Variants in FANCL observed in about 807,000 individuals in gnomAD.
FANCL encodes FA complementation group L, also known as E3 ubiquitin-protein ligase FANCL.
A neutral mutation model predicts 59.4 loss-of-function variants in FANCL; 69 were observed. That is an observed-to-expected ratio of 1.16 (90% CI 0.96 to 1.42). The LOEUF is 1.42. Among genes scored for constraint, FANCL ranks in the 40% most tolerant of loss-of-function variants. FANCL has a pLI of 0.00. For missense variants in FANCL, 519 were observed against 447.2 expected, an observed-to-expected ratio of 1.16 and a Z score of -1.45; for synonymous variants, 180 against 147.1, an observed-to-expected ratio of 1.22 and a Z score of -1.62.
At chr2:58,211,655 T>C (rs999014869) in intron 5 of FANCL, among the ~76,000 whole-genome samples, 24 of 152,226 alleles carry the variant, frequency 1.6e-4, no homozygotes, top group African/African-American at 5.8e-4. Flanking sequence ...ATGCTTTTAA[T>C]AGCACCCAAG....
rs1453975924 is a variant in FANCL, at chr2:58,216,151, T to C, written c.374+5791A>G. 2.6e-5 allele frequency among the ~76,000 whole-genome samples: 4 copies of C among 152,084 alleles called. No individual in the cohort carries two copies. In the East Asian group the frequency reaches 7.7e-4, roughly 29 times the overall value. ...ACCAGGGGGGAAATCCCAATGAATA[T>C]ACCTGGCTCTTGCTTGGAAGCTCTA... On this transcript the variant is annotated intron_variant, in intron 5 of 13. Transcript: ENST00000233741.
chr2:58,223,378 T>C (rs982976843), intron 4 of FANCL, among the ~76,000 whole-genome samples: 1 of 152,004 alleles, frequency 6.6e-6, no homozygotes, highest in Non-Finnish European at 1.5e-5. Context: ...TGCATTAATA[T>C]AGTATAGTAC....
At chr2:58,169,668 G>A (rs548783293) in intron 7 of FANCL, among the ~76,000 whole-genome samples, 72 of 151,944 alleles carry the variant, frequency 4.7e-4, no homozygotes, top group Non-Finnish European at 9.1e-4. Context: ...AAAAGTTAGA[G>A]GAATTGCTAA....
At position 58,159,478 on chromosome 2, in the gene FANCL, A is replaced by C. The variant is rs1325171728; in HGVS notation, c.*287T>G. ...TTATGAGCCTCATCAAGATTTTACC[A>C]GTCCAGATATATTCAAGAAGTCAAG... On this transcript the variant is annotated 3_prime_UTR_variant, in exon 14 of 14. Transcript: ENST00000233741. 1 of 1,613,734 alleles carries C rather than the reference A, an allele frequency of 6.2e-7. No individual in the cohort carries two copies. The highest frequency in any genetic ancestry group is 1.1e-5 in the South Asian group (1 of 91,058).
chr2:58,182,711 T>C (rs1341122194), intron 7 of FANCL, among the ~76,000 whole-genome samples: 1 of 151,752 alleles, frequency 6.6e-6, no homozygotes, highest in South Asian at 2.1e-4. Context: ...TTATACAAAA[T>C]TAAGTAAACA....
chr2:58,168,954 G>GGCTT (rs937405890), intron 7 of FANCL, among the ~76,000 whole-genome samples: 4 of 152,186 alleles, frequency 2.6e-5, no homozygotes, highest in African/African-American at 9.7e-5. Context: ...CAAAGTCAGA[G>GGCTT]GCTTATAGAT....
At chr2:58,180,049 G>A (rs929892702) in intron 7 of FANCL, among the ~76,000 whole-genome samples, 2 of 152,080 alleles carry the variant, frequency 1.3e-5, no homozygotes, top group East Asian at 1.9e-4. Context: ...TTAGAATGGC[G>A]ATCATTAAAA....
intron 9 of FANCL, 147 bp downstream of exon 9, chr2:58,163,287 C>G: frequency 1.3e-6 from 1 of 745,130 alleles, no homozygotes; most frequent in East Asian, 2.7e-5. Flanking sequence ...CGCCATTACA[C>G]TACATACTGG....
intron 1 of FANCL, among the ~76,000 whole-genome samples, chr2:58,238,743 A>C (rs1412340938): frequency 6.6e-6 from 1 of 152,184 alleles, no homozygotes; most frequent in Non-Finnish European, 1.5e-5. Context: ...ACAAAATTAA[A>C]AACCAAAAAG....
chr2:58,234,693 C>T (rs1573831206), intron 1 of FANCL, among the ~76,000 whole-genome samples: 1 of 151,840 alleles, frequency 6.6e-6, no homozygotes, highest in African/African-American at 2.4e-5. Flanking sequence ...ATATCTTAAT[C>T]AACAGATTTT....
chr2:58,181,599 G>C, intron 7 of FANCL, among the ~76,000 whole-genome samples: 1 of 151,968 alleles, frequency 6.6e-6, no homozygotes, highest in East Asian at 1.9e-4. Flanking sequence ...AAGTTACTTT[G>C]TATAGAACTA....
At chr2:58,173,963 C>CAA (rs1431506964) in intron 7 of FANCL, among the ~76,000 whole-genome samples, 1 of 151,318 alleles carries the variant, frequency 6.6e-6, no homozygotes, top group African/African-American at 2.4e-5. Context: ...AAATGGAAAA[C>CAA]AAAAAAAGGC....
chr2:58,167,210 CAAAAAG>C (rs2104829328), intron 7 of FANCL, among the ~76,000 whole-genome samples: 2 of 151,182 alleles, frequency 1.3e-5, no homozygotes, highest in South Asian at 4.2e-4. Context: ...GACTCCGTCT[CAAAAAG>C]AAAAAAAAGG....
intron 7 of FANCL, among the ~76,000 whole-genome samples, chr2:58,177,856 A>G (rs548832663): frequency 7.2e-5 from 11 of 152,098 alleles, no homozygotes; most frequent in African/African-American, 2.4e-4. Context: ...ACTAATAAAG[A>G]AGAAAAGAGA....
intron 12 of FANCL, 135 bp downstream of exon 12, chr2:58,161,387 C>CTG (rs1685140272): frequency 1.4e-6 from 1 of 708,014 alleles, no homozygotes; most frequent in South Asian, 1.5e-5. Flanking sequence ...CTGGAATAAA[C>CTG]TGGTAAAAGG....
intron 7 of FANCL, among the ~76,000 whole-genome samples, chr2:58,176,991 A>T (rs1687394309): frequency 6.6e-6 from 1 of 152,326 alleles, no homozygotes; most frequent in Non-Finnish European, 1.5e-5. Context: ...GACACTTCTC[A>T]AAAGAAGACA....
chr2:58,201,183 A>G (rs72810378), intron 6 of FANCL, among the ~76,000 whole-genome samples: 7,897 of 151,608 alleles, frequency 0.052, 301 homozygotes, highest in African/African-American at 0.098. Flanking sequence ...CTTTTCAATA[A>G]TAAGTTGTAT....
At position 58,217,099 on chromosome 2, in the gene FANCL, TACAC is replaced by T. The variant is rs1268506675; in HGVS notation, c.374+4839_374+4842del. Among the ~76,000 whole-genome samples, 52 of 134,578 alleles carry T rather than the reference TACAC, an allele frequency of 3.9e-4. 1 individual carries two copies. Among genetic ancestry groups the T allele is most frequent in the Admixed American group, 1.3e-3 (17 of 12,746 alleles). 88.3% of individuals were successfully genotyped at this position (134,578 alleles called of 152,430 possible). On this transcript the variant is annotated intron_variant, in intron 5 of 13. Coordinates refer to ENST00000233741, the MANE Select transcript of FANCL (RefSeq NM_018062.4). ...CCAGAATACAGGACTTTGAAAAAAA[TACAC>T]ACACACACACATTACATATATATAT...
chr2:58,194,314 A>C (rs1422960127), intron 7 of FANCL: 11 of 470,602 alleles, frequency 2.3e-5, no homozygotes, highest in Non-Finnish European at 4.4e-5. Flanking sequence ...TCATAATATC[A>C]GTGCACTTAA....
Sources: gnomAD v4.1 joint callset for allele counts (sites outside exome capture counted in the v4.1 genomes callset) on GRCh38, gnomAD v4.1.1 for gene constraint, MANE v1.5 for transcripts, NCBI Gene and HGNC (gene_info 2026-07-23, HGNC 2026-07-21) for gene names.